The following TNRC18 variants were observed in gnomAD, a reference collection of about 807,000 sequenced individuals.
TNRC18 encodes trinucleotide repeat-containing gene 18 protein.
Under a neutral mutation model 226.7 loss-of-function variants are expected in TNRC18, and 69 were observed. The ratio of observed to expected loss-of-function variants is 0.30; its 90% CI spans 0.25 to 0.37. The LOEUF (loss-of-function observed/expected upper bound fraction) is 0.37, where lower values mean the gene tolerates loss of function less well. Among genes scored for constraint, TNRC18 ranks in the 10% least tolerant of loss-of-function variants. The pLI is 1.00. For synonymous variants in TNRC18, 2,449 were observed against 1,927.6 expected (o/e 1.27, Z -7.09); for missense variants, 4,754 against 4,256.6 (o/e 1.12, Z -3.25).
intron 16 of TNRC18, 60 bp downstream of exon 16, chr7:5,356,856 G>C: frequency 6.8e-7 from 1 of 1,471,356 alleles, no homozygotes; most frequent in Middle Eastern, 2.3e-4. Context: ...ACGGTGGAGA[G>C]AAGAGGGGAG....
In TNRC18 at chr7:5,307,387, C is replaced by T. The variant is rs1283547433; in HGVS notation, c.*719G>A. 1.4e-5 allele frequency: 4 copies of T among 290,208 alleles called. No homozygotes were observed. Among genetic ancestry groups the T allele is most frequent in the Non-Finnish European group, 2.8e-5 (4 of 142,988 alleles). 18.0% of individuals were successfully genotyped at this position (290,208 alleles called of 1,614,324 possible). A position where few individuals can be genotyped will look rare whatever the true frequency, so the allele number is the denominator to read the frequency against. ...GTACAGGTTAAGAAGTGCCACCTCC[C>T]TCCTGGGTGGGGAGGGGCCAGGCGT... is the stretch of plus-strand genomic sequence containing the variant. On this transcript the variant is annotated 3_prime_UTR_variant, in exon 30 of 30. Transcript: ENST00000430969.
intron 15 of TNRC18, 75 bp downstream of exon 15, chr7:5,359,323 G>A (rs563114457): frequency 2.0e-5 from 30 of 1,493,328 alleles, no homozygotes; most frequent in Non-Finnish European, 2.6e-5. Context: ...CCTGCGAAGG[G>A]AGCGTGAACT....
intron 24 of TNRC18, among the ~76,000 whole-genome samples, 155 bp from the exon 25 acceptor site, chr7:5,316,227 T>A (rs1787827119): frequency 6.7e-6 from 1 of 149,446 alleles, no homozygotes; most frequent in Non-Finnish European, 1.5e-5. Flanking sequence ...CGGCTCAGAA[T>A]GTGGGTGTTA....
Position 5,307,624 on chromosome 7 carries a change from C to A in TNRC18, c.*482G>T. ...AGGTAGGCCAGCTGGCATCGGGCTG[C>A]CCTGTCCCATGCACGGTGGGAGGCC... On this transcript the variant is annotated 3_prime_UTR_variant, in exon 30 of 30. Transcript: ENST00000430969. 2 of 432,250 alleles carry A rather than the reference C, an allele frequency of 4.6e-6. No individual in the cohort carries two copies. The highest frequency in any genetic ancestry group is 9.3e-6 in the Non-Finnish European group (2 of 214,422). 26.8% of individuals were successfully genotyped at this position (432,250 alleles called of 1,614,324 possible).
At chr7:5,356,817 A>C (rs951654309) in intron 16 of TNRC18, 99 bp downstream of exon 16, 227 of 1,364,286 alleles carry the variant, frequency 1.7e-4, no homozygotes, top group South Asian at 1.4e-3. Context: ...AGAGCGAGAG[A>C]GAGAGTGAGG....
intron 5 of TNRC18, among the ~76,000 whole-genome samples, chr7:5,384,144 A>G (rs1398164808): frequency 6.6e-6 from 1 of 151,872 alleles, no homozygotes; most frequent in East Asian, 1.9e-4. Context: ...TTGTATTTTT[A>G]GTTAGTAGAG....
At chr7:5,385,005 G>A (rs13243421) in intron 5 of TNRC18, among the ~76,000 whole-genome samples, 62,854 of 152,214 alleles carry the variant, frequency 0.41, 15,449 homozygotes, top group East Asian at 0.82. Context: ...CTTCAGGGCC[G>A]TCCCCGGAAG....
chr7:5,394,128 A>G lies in TNRC18; in HGVS notation c.343+312T>C, dbSNP rs1780491239. Among the ~76,000 whole-genome samples the G allele has an allele frequency of 6.6e-6, 1 of 152,104 alleles. No individual in the cohort carries two copies. Among genetic ancestry groups the G allele is most frequent in the Non-Finnish European group, 1.5e-5 (1 of 68,024 alleles). The stretch of plus-strand genomic sequence containing the variant: ...AAGCGGGTAGTTCATGAATGATGAG[A>G]TAATCTGTCGTCACAAGCAAGTGAT... On this transcript the variant is annotated intron_variant, in intron 3 of 29. Transcript: ENST00000430969. This position sits in a 1 kb window ranked among gnomAD's most constrained non-coding sequence, Gnocchi z 4.5.
chr7:5,347,251 G>A (rs1007044548), intron 17 of TNRC18, among the ~76,000 whole-genome samples: 2 of 149,988 alleles, frequency 1.3e-5, no homozygotes, highest in Non-Finnish European at 1.5e-5. Context: ...GCAGTGGCAC[G>A]ATTTCGGCGC....
At position 5,332,759 on chromosome 7, in the gene TNRC18, G is replaced by C; in HGVS notation, c.6010C>G (p.Leu2004Val). 6.6e-7 allele frequency: 1 copy of C among 1,520,260 alleles called. No individual in the cohort carries two copies. The highest frequency in any genetic ancestry group is 1.2e-5 in the South Asian group (1 of 82,820). 94.2% of individuals were successfully genotyped at this position (1,520,260 alleles called of 1,614,324 possible). A position where few individuals can be genotyped will look rare whatever the true frequency, so the allele number is the denominator to read the frequency against. ...WTRRRSERIFLHDASAAAPAP... is the reference protein window; with the variant it reads ...WTRRRSERIFVHDASAAAPAP... ...GGTGCAGCAGCCGAGGCGTCGTGCAGGAAGATGCGCTCGCTGCGGCGCCGC... is the reference window on the plus strand; with the variant it reads ...GGTGCAGCAGCCGAGGCGTCGTGCACGAAGATGCGCTCGCTGCGGCGCCGC... Residue 2004 changes from leucine to valine, a missense_variant, in exon 19 of 30, where the codon CTG becomes GTG. By Grantham distance (32) the Leu-to-Val change is conservative. Coordinates refer to ENST00000430969, the MANE Select transcript of TNRC18 (RefSeq NM_001080495.3).
chr7:5,308,172 G>A lies in TNRC18; in HGVS notation c.8841C>T (p.Leu2947=), dbSNP rs374341519. 67 of 1,593,536 alleles carry A rather than the reference G, an allele frequency of 4.2e-5. No individual in the cohort carries two copies. The highest frequency in any genetic ancestry group is 2.8e-4 in the South Asian group (25 of 87,990). ...KYQDSEGLYY[L]AGTYEPTTGM... is the part of the protein sequence containing the mutation. The stretch of plus-strand genomic sequence containing the variant: ...CCGTGGTGGGCTCGTAGGTGCCCGC[G>A]AGGTAGTACAGGCCCTCGCTGTCCT... Residue 2947 remains leucine, a synonymous_variant, in exon 30 of 30, where the codon CTC becomes CTT. Coordinates refer to ENST00000430969, the MANE Select transcript of TNRC18 (RefSeq NM_001080495.3).
chr7:5,409,812 TAA>T (rs35153914), intron 2 of TNRC18, among the ~76,000 whole-genome samples: 1,906 of 104,736 alleles, frequency 0.018, 62 homozygotes, highest in African/African-American at 0.062. Context: ...CCGTCTCTAC[TAA>T]AAAAAAAAAA....
intron 10 of TNRC18, among the ~76,000 whole-genome samples, chr7:5,373,724 C>G (rs1367387415): frequency 6.6e-6 from 1 of 152,088 alleles, no homozygotes; most frequent in Non-Finnish European, 1.5e-5. Flanking sequence ...GTCCCTGGAC[C>G]ATCATCAGCA....
At chr7:5,403,492 A>T (rs766363975) in intron 2 of TNRC18, among the ~76,000 whole-genome samples, 1 of 80,184 alleles carries the variant, frequency 1.2e-5, no homozygotes, top group African/African-American at 3.4e-5. Flanking sequence ...TTGACCTCTC[A>T]CAACAACTGC....
Position 5,388,251 on chromosome 7 carries a change from C to A in TNRC18, c.1573G>T (p.Val525Leu), listed in dbSNP as rs746829993. The change falls in exon 5 of 30, where the codon GTG becomes TTG. Residue 525 changes from valine to leucine, a missense_variant. Coordinates refer to ENST00000430969, the MANE Select transcript of TNRC18 (RefSeq NM_001080495.3). ...LGNFAATQMA[V>L]LAAQHHHSRA... ...CTGTGGTGGTGCTGCGCGGCCAGCA[C>A]GGCCATCTGCGTGGCGGCGAAGTTG... The A allele has an allele frequency of 6.2e-7, 1 of 1,606,718 alleles. No homozygotes were observed. The highest frequency in any genetic ancestry group is 2.2e-5 in the East Asian group (1 of 44,652).
intron 5 of TNRC18, among the ~76,000 whole-genome samples, chr7:5,386,669 G>C (rs1010317971): frequency 3.3e-5 from 5 of 152,128 alleles, no homozygotes; most frequent in African/African-American, 1.2e-4. Flanking sequence ...AGGATCGCTT[G>C]AGCCCAGGAG....
intron 2 of TNRC18, among the ~76,000 whole-genome samples, chr7:5,409,492 G>C (rs573284932): frequency 1.3e-5 from 2 of 150,880 alleles, no homozygotes; most frequent in Non-Finnish European, 3.0e-5. Context: ...TGAGGCAGGA[G>C]GATCGTTTGA....
Position 5,332,630 on chromosome 7 carries a change from G to C in TNRC18, c.6139C>G (p.Pro2047Ala). 3 of 1,527,398 alleles carry C rather than the reference G, an allele frequency of 2.0e-6. No homozygotes were observed. 94.6% of individuals were successfully genotyped at this position (1,527,398 alleles called of 1,614,324 possible). Reference sequence around the variant, plus strand: ...CCCAGCGCGGCCCCTACCTTCCTGGGGTCCTTCCTGTCCTTTGCACGCCCG... The same window carrying C: ...CCCAGCGCGGCCCCTACCTTCCTGGCGTCCTTCCTGTCCTTTGCACGCCCG... The part of the protein sequence containing the change: ...DAGRAKDRKD[P>A]RKKKKGKEAG... The change falls in exon 19 of 30, where the codon CCC becomes GCC. Residue 2047 changes from proline to alanine, a missense_variant. Pro to Ala is a conservative substitution (Grantham distance 27, BLOSUM62 -1). Transcript: ENST00000430969.
intron 11 of TNRC18, among the ~76,000 whole-genome samples, chr7:5,365,791 T>C (rs1255515977): frequency 6.6e-6 from 1 of 151,530 alleles, no homozygotes; most frequent in Non-Finnish European, 1.5e-5. Flanking sequence ...AATTTTTGGC[T>C]GGGTGTGGTG....
Sources: allele counts gnomAD v4.1 joint callset (sites outside exome capture counted in the v4.1 genomes callset), GRCh38; gene constraint gnomAD v4.1.1; non-coding constraint Gnocchi (gnomAD v3.1); transcripts MANE v1.5; gene names NCBI Gene and HGNC (gene_info 2026-07-23, HGNC 2026-07-21).